Variants in NEXMIF observed in about 807,000 individuals in gnomAD.
NEXMIF encodes the protein neurite extension and migration factor.
NEXMIF carries 8 observed loss-of-function variants against 62.1 expected under a neutral mutation model. The observed-to-expected ratio is 0.13, with a 90% CI of 0.08 to 0.23. The LOEUF is 0.23. NEXMIF is among the 10% of genes least tolerant of loss of function. The pLI is 1.00. For synonymous variants in NEXMIF, 404 were observed against 416.6 expected (o/e 0.97, Z 0.37); for missense variants, 976 against 1,113.3 (o/e 0.88, Z 1.75).
At chrX:74,877,061 T>C (rs777008933) in intron 1 of NEXMIF, among the ~76,000 whole-genome samples, 1 of 111,878 alleles carries the variant, frequency 8.9e-6, no homozygotes, top group South Asian at 3.8e-4. Flanking sequence ...TTTTGCTCGT[T>C]AGTTGATGCA....
Position 74,736,394 on chromosome X carries a change from C to T in NEXMIF, c.*3011G>A, listed in dbSNP as rs1289120600. On this transcript the variant is annotated 3_prime_UTR_variant, in exon 4 of 4. Transcript: ENST00000055682. ...AGAAGAATAAGGGAGGTTACCATTT[C>T]CAGGAAAGTAAAGATTAAATGGGAC... The T allele has an allele frequency of 3.6e-5, 4 of 110,147 alleles. No homozygotes were observed. Among genetic ancestry groups the T allele is most frequent in the African/African-American group, 1.3e-4 (4 of 30,256 alleles). 9.1% of individuals were successfully genotyped at this position (110,147 alleles called of 1,213,427 possible). A position where few individuals can be genotyped will look rare whatever the true frequency, so the allele number is the denominator to read the frequency against.
chrX:74,802,633 A>G lies in NEXMIF; in HGVS notation c.-47-56936T>C, dbSNP rs758214202. Reference sequence around the variant, plus strand: ...AGACTGCGAAGACTACAATAAATATACAACTCTTCAATGTTCACAGATGAA... The same window carrying G: ...AGACTGCGAAGACTACAATAAATATGCAACTCTTCAATGTTCACAGATGAA... On this transcript the variant is annotated intron_variant, in intron 1 of 3. Coordinates refer to ENST00000055682, the MANE Select transcript of NEXMIF (RefSeq NM_001008537.3). 4.5e-5 allele frequency among the ~76,000 whole-genome samples: 5 copies of G among 110,458 alleles called. No individual in the cohort carries two copies. The South Asian group carries it at 2.0e-3, about 43-fold the overall frequency.
chrX:74,831,439 C>T (rs754127324), intron 1 of NEXMIF, among the ~76,000 whole-genome samples: 45 of 101,662 alleles, frequency 4.4e-4, no homozygotes, highest in African/African-American at 1.2e-3. Flanking sequence ...TGAGAACATG[C>T]GGTGTTTGGT....
chrX:74,840,588 G>C (rs1364218852), intron 1 of NEXMIF, among the ~76,000 whole-genome samples: 1 of 111,889 alleles, frequency 8.9e-6, no homozygotes, highest in Non-Finnish European at 1.9e-5. Context: ...GTATTGCCTA[G>C]GTTGTCTTCC....
chrX:74,785,836 A>G (rs1403916717), intron 1 of NEXMIF, among the ~76,000 whole-genome samples: 1 of 112,393 alleles, frequency 8.9e-6, no homozygotes, highest in Non-Finnish European at 1.9e-5. Context: ...TTGTCACTCA[A>G]CACTCTGCAT....
chrX:74,875,149 T>C (rs896614643), intron 1 of NEXMIF, among the ~76,000 whole-genome samples: 1 of 111,102 alleles, frequency 9.0e-6, no homozygotes, highest in African/African-American at 3.3e-5. Flanking sequence ...ATAGCTCTTA[T>C]TATTTTGAAA....
chrX:74,758,795 A>G (rs1193203167), intron 1 of NEXMIF, among the ~76,000 whole-genome samples: 1 of 111,922 alleles, frequency 8.9e-6, no homozygotes. Context: ...TCTTTATCCT[A>G]TCTGCTACTG....
chrX:74,922,064 T>C (rs766302142), intron 1 of NEXMIF, among the ~76,000 whole-genome samples: 4 of 111,679 alleles, frequency 3.6e-5, no homozygotes, highest in Non-Finnish European at 7.5e-5. Context: ...AAATACACTA[T>C]GGTGGTCCGT....
chrX:74,744,752 G>C (rs2080120344), intron 2 of NEXMIF, among the ~76,000 whole-genome samples: 1 of 111,892 alleles, frequency 8.9e-6, no homozygotes, highest in Non-Finnish European at 1.9e-5. Context: ...GAATTGGACT[G>C]CTTGATCAAT....
At chrX:74,780,178 T>C (rs184709711) in intron 1 of NEXMIF, among the ~76,000 whole-genome samples, 1 of 111,776 alleles carries the variant, frequency 8.9e-6, no homozygotes, top group East Asian at 2.8e-4. Context: ...CAAACACAGA[T>C]AAAGGTTAGG....
chrX:74,917,507 T>C (rs2080811652), intron 1 of NEXMIF, among the ~76,000 whole-genome samples: 1 of 112,212 alleles, frequency 8.9e-6, no homozygotes, highest in Non-Finnish European at 1.9e-5. Context: ...AGATGTGGCA[T>C]ATATTTGTGT....
chrX:74,870,863 G>T (rs1181695210), intron 1 of NEXMIF, among the ~76,000 whole-genome samples: 1 of 111,894 alleles, frequency 8.9e-6, no homozygotes, highest in East Asian at 2.8e-4. Context: ...CACTGTTGGT[G>T]GGAATGTATT....
chrX:74,885,842 CAA>C (rs975361154), intron 1 of NEXMIF, among the ~76,000 whole-genome samples: 1 of 110,982 alleles, frequency 9.0e-6, no homozygotes, highest in African/African-American at 3.3e-5. Context: ...AGAGACACAA[CAA>C]AAAAAGAGAA....
At chrX:74,803,717 C>A (rs2080336861) in intron 1 of NEXMIF, among the ~76,000 whole-genome samples, 1 of 110,635 alleles carries the variant, frequency 9.0e-6, no homozygotes, top group Admixed American at 9.6e-5. Flanking sequence ...CAGTGGAAAC[C>A]TTACAGGTCA....
intron 1 of NEXMIF, among the ~76,000 whole-genome samples, chrX:74,852,887 T>C (rs747151527): frequency 1.9e-4 from 21 of 110,724 alleles, no homozygotes; most frequent in Non-Finnish European, 2.1e-4. Context: ...GCACCCCAAG[T>C]ACTAGAAAAG....
intron 1 of NEXMIF, among the ~76,000 whole-genome samples, chrX:74,917,646 T>A (rs2080812200): frequency 9.0e-6 from 1 of 111,453 alleles, no homozygotes; most frequent in Non-Finnish European, 1.9e-5. Context: ...TGAAGGTGTC[T>A]AGACACCATC....
chrX:74,859,524 A>G (rs1471438455), intron 1 of NEXMIF, among the ~76,000 whole-genome samples: 2 of 111,732 alleles, frequency 1.8e-5, no homozygotes, highest in Admixed American at 9.5e-5. Flanking sequence ...TACTTCAATC[A>G]GAAAGAAAAG....
chrX:74,833,719 T>C (rs1235356956), intron 1 of NEXMIF, among the ~76,000 whole-genome samples: 1 of 111,936 alleles, frequency 8.9e-6, no homozygotes, highest in Non-Finnish European at 1.9e-5. Context: ...ATTGTTTGCC[T>C]TTTATTTTGT....
chrX:74,882,435 G>A (rs748737876), intron 1 of NEXMIF, among the ~76,000 whole-genome samples: 1 of 112,018 alleles, frequency 8.9e-6, no homozygotes, highest in East Asian at 2.8e-4. Context: ...GGAAAATCGG[G>A]TCACTCCCAC....
Sources: gnomAD v4.1 joint callset for allele counts (sites outside exome capture counted in the v4.1 genomes callset) on GRCh38, gnomAD v4.1.1 for gene constraint, MANE v1.5 for transcripts, NCBI Gene and HGNC (gene_info 2026-07-23, HGNC 2026-07-21) for gene names.